The following DDX11 variants were observed in gnomAD, a reference collection of about 807,000 sequenced individuals.
DDX11 encodes the protein ATP-dependent DNA helicase DDX11.
A neutral mutation model predicts 125.2 loss-of-function variants in DDX11; 72 were observed. That is an observed-to-expected ratio of 0.58 (90% CI 0.48 to 0.70). DDX11 has a LOEUF of 0.70. Ranked by LOEUF, DDX11 falls within the 30% of genes least tolerant of loss-of-function variation. The pLI is 0.00. For synonymous variants in DDX11, 347 were observed against 452.6 expected (o/e 0.77, Z 2.96); for missense variants, 883 against 1,165.0 (o/e 0.76, Z 3.52).
chr12:31,076,481 TA>T (rs11301065), intron 1 of DDX11, among the ~76,000 whole-genome samples: 80,702 of 151,830 alleles, frequency 0.53, 22,552 homozygotes, highest in East Asian at 0.82. Context: ...TTATGCTGGA[TA>T]TCTCTTGCAA....
chr12:31,101,193 CA>C, intron 20 of DDX11, 63 bp downstream of exon 20: 1 of 1,441,348 alleles, frequency 6.9e-7, no homozygotes, highest in Non-Finnish European at 9.8e-7. Context: ...TTTTCTGGGG[CA>C]GGGGCGCTCT....
At position 31,078,504 on chromosome 12, in the gene DDX11, C is replaced by T; in HGVS notation, c.111C>T (p.Gly37=). 1 of 1,611,626 alleles carries T rather than the reference C, an allele frequency of 6.2e-7. No homozygotes were observed. The highest frequency in any genetic ancestry group is 1.3e-5 in the African/African-American group (1 of 74,878). ...AGCTGTACCGGGTTTTGGAGGCTGG[C>T]AAGATTGGGATATTTGAGAGTCCAA... ...MAELYRVLEA[G]KIGIFESPTG... is the part of the protein sequence containing the mutation. The change falls in exon 2 of 27, where the codon GGC becomes GGT. Residue 37 remains glycine, a synonymous_variant. Transcript: ENST00000542838.
intron 24 of DDX11, 78 bp downstream of exon 24, chr12:31,103,098 C>T (rs1946683744): frequency 3.3e-6 from 5 of 1,537,790 alleles, no homozygotes; most frequent in African/African-American, 1.4e-5. Flanking sequence ...AGGGCTGATA[C>T]AGCCAGGCCT....
intron 2 of DDX11, among the ~76,000 whole-genome samples, chr12:31,082,515 G>A (rs2553145): frequency 2.0e-5 from 3 of 152,132 alleles, no homozygotes; most frequent in South Asian, 2.1e-4. Flanking sequence ...TGCCCCAACC[G>A]TAGTCATACG....
intron 12 of DDX11, among the ~76,000 whole-genome samples, chr12:31,093,990 C>G (rs1392406498): frequency 6.7e-6 from 1 of 150,366 alleles, no homozygotes; most frequent in South Asian, 2.1e-4. Context: ...CCTGTGAGAA[C>G]GCAGTGCTGG....
chr12:31,077,977 G>A (rs567535304), intron 1 of DDX11: 52 of 344,828 alleles, frequency 1.5e-4, no homozygotes, highest in South Asian at 8.2e-4. Flanking sequence ...AAGTAGCTTC[G>A]GCTTGTGAAT....
At chr12:31,096,597 T>C in intron 15 of DDX11, 40 bp from the exon 16 acceptor site, 1 of 1,608,794 alleles carries the variant, frequency 6.2e-7, no homozygotes, top group Non-Finnish European at 8.5e-7. Context: ...CTCATGGCTG[T>C]ACCTCGTTCC....
In DDX11 at chr12:31,097,752, A is replaced by G. The variant is rs1283649685; in HGVS notation, c.1763-133A>G. On this transcript the variant is annotated intron_variant, in intron 17 of 26. Coordinates refer to ENST00000542838, the MANE Select transcript of DDX11 (RefSeq NM_030653.4). ...GTGGGCTGGTTGTCCTAGAGATTAA[A>G]TGGTGTTTAATTTAAAGAGAAAGCA... 7.3e-6 allele frequency: 5 copies of G among 688,010 alleles called. No individual in the cohort carries two copies. The East Asian group carries it at 9.0e-5, about 12-fold the overall frequency. 42.6% of individuals were successfully genotyped at this position (688,010 alleles called of 1,614,324 possible).
At chr12:31,080,463 G>A (rs1223302288) in intron 2 of DDX11, among the ~76,000 whole-genome samples, 2 of 152,216 alleles carry the variant, frequency 1.3e-5, no homozygotes, top group African/African-American at 4.8e-5. Flanking sequence ...ATTGCAACCT[G>A]AGAATCTAAT....
chr12:31,088,611 G>A (rs1465196443), intron 6 of DDX11, among the ~76,000 whole-genome samples: 7 of 152,036 alleles, frequency 4.6e-5, no homozygotes, highest in Admixed American at 2.6e-4. Flanking sequence ...CTTCACTCTT[G>A]CCTTAGAGGA....
In DDX11 at chr12:31,092,302, C is replaced by T. The variant is rs545674876; in HGVS notation, c.1242+431C>T. Among the ~76,000 whole-genome samples the T allele has an allele frequency of 1.6e-4, 24 of 152,256 alleles. 1 individual carries two copies. Among genetic ancestry groups the T allele is most frequent in the African/African-American group, 5.5e-4 (23 of 41,542 alleles). On this transcript the variant is annotated intron_variant, in intron 10 of 26. Coordinates refer to ENST00000542838, the MANE Select transcript of DDX11 (RefSeq NM_030653.4). ...ATGCATGGCACCAGGTGTCTCTGGT[C>T]TTCACGCTGACTCTGCCATGGGTGT...
chr12:31,101,167 C>G, intron 20 of DDX11, 37 bp downstream of exon 20: 1 of 1,588,554 alleles, frequency 6.3e-7, no homozygotes, highest in South Asian at 1.1e-5. Context: ...ACAGCCTGGC[C>G]TCAGGCAGCA....
chr12:31,093,412 C>G, intron 12 of DDX11, 88 bp downstream of exon 12: 2 of 1,567,170 alleles, frequency 1.3e-6, no homozygotes, highest in Non-Finnish European at 1.7e-6. Flanking sequence ...CACCTCAGTT[C>G]TCTGTGTTTT....
intron 18 of DDX11, among the ~76,000 whole-genome samples, chr12:31,099,952 C>T (rs4931432): frequency 0.54 from 82,232 of 151,904 alleles, 23,397 homozygotes; most frequent in East Asian, 0.82. Context: ...TTTATTTACA[C>T]AGAAGGCATC....
Position 31,074,000 on chromosome 12 carries a change from C to A in DDX11, c.-96C>A, listed in dbSNP as rs74087917. ...CGCAGTGCTGTGTGGCAGCAGAGCTCCTTAGGACGAGGAGCAGCGGGACGA... is the reference window on the plus strand; with the variant it reads ...CGCAGTGCTGTGTGGCAGCAGAGCTACTTAGGACGAGGAGCAGCGGGACGA... On this transcript the variant is annotated 5_prime_UTR_variant, in exon 1 of 27. Transcript: ENST00000542838. The A allele has an allele frequency of 6.8e-6, 1 of 146,600 alleles. No individual in the cohort carries two copies. Among genetic ancestry groups the A allele is most frequent in the Non-Finnish European group, 1.5e-5 (1 of 66,452 alleles). 9.1% of individuals were successfully genotyped at this position (146,600 alleles called of 1,614,324 possible).
At chr12:31,082,323 G>T (rs1240390223) in intron 2 of DDX11, among the ~76,000 whole-genome samples, 6 of 151,796 alleles carry the variant, frequency 4.0e-5, no homozygotes, top group Admixed American at 3.9e-4. Context: ...TTTTGTGTGT[G>T]TTAATGTCCT....
intron 2 of DDX11, among the ~76,000 whole-genome samples, 174 bp downstream of exon 2, chr12:31,078,711 G>T (rs1328518257): frequency 6.9e-6 from 1 of 144,972 alleles, no homozygotes; most frequent in Non-Finnish European, 1.5e-5. Context: ...TTTTTGAGAC[G>T]GAGTCTCGCT....
intron 10 of DDX11, among the ~76,000 whole-genome samples, chr12:31,092,334 C>T (rs1356686326): frequency 6.6e-6 from 1 of 152,140 alleles, no homozygotes; most frequent in Non-Finnish European, 1.5e-5. Context: ...GTGTGGTGTT[C>T]CTGTTTTACA....
intron 23 of DDX11, 154 bp downstream of exon 23, chr12:31,102,681 T>A: frequency 1.4e-6 from 1 of 732,294 alleles, no homozygotes; most frequent in Non-Finnish European, 2.4e-6. Context: ...GCTCAGCAGC[T>A]CTGGGTTTGG....
Sources: gnomAD v4.1 joint callset for allele counts (sites outside exome capture counted in the v4.1 genomes callset) on GRCh38, gnomAD v4.1.1 for gene constraint, MANE v1.5 for transcripts, NCBI Gene and HGNC (gene_info 2026-07-23, HGNC 2026-07-21) for gene names.